PARD3B: variants seen among roughly 807,000 people sequenced by gnomAD.
The protein encoded by PARD3B is partitioning defective 3 homolog B.
Under a neutral mutation model 130.2 loss-of-function variants are expected in PARD3B, and 103 were observed. That is an observed-to-expected ratio of 0.79 (90% CI 0.67 to 0.93). PARD3B has a LOEUF of 0.93. PARD3B is among the 40% of genes least tolerant of loss of function. The pLI is 0.00. For missense variants in PARD3B, 1,609 were observed against 1,499.2 expected, an observed-to-expected ratio of 1.07 and a Z score of -1.21; for synonymous variants, 583 against 553.2, an observed-to-expected ratio of 1.05 and a Z score of -0.76.
chr2:205,437,921 T>G (rs2047573611), intron 19 of PARD3B, among the ~76,000 whole-genome samples: 1 of 151,824 alleles, frequency 6.6e-6, no homozygotes, highest in South Asian at 2.1e-4. Flanking sequence ...TATAAACAAG[T>G]AAAATTCTCA....
chr2:205,178,692 T>A (rs1381382864), intron 13 of PARD3B, among the ~76,000 whole-genome samples: 1 of 152,036 alleles, frequency 6.6e-6, no homozygotes, highest in African/African-American at 2.4e-5. Flanking sequence ...AAGTCTAGAG[T>A]TTAATTCCTA....
chr2:205,177,335 A>G (rs17248627), intron 13 of PARD3B, among the ~76,000 whole-genome samples: 5,181 of 152,298 alleles, frequency 0.034, 127 homozygotes, highest in Non-Finnish European at 0.051. Flanking sequence ...GATCCTAATC[A>G]GTAACATTTT....
intron 10 of PARD3B, among the ~76,000 whole-genome samples, chr2:205,137,460 C>A (rs367668413): frequency 6.6e-6 from 1 of 152,166 alleles, no homozygotes; most frequent in South Asian, 2.1e-4. Context: ...GGTAACAAGA[C>A]CACATTTTTT....
chr2:205,058,967 A>G (rs865774867), intron 4 of PARD3B, among the ~76,000 whole-genome samples: 2 of 148,884 alleles, frequency 1.3e-5, no homozygotes, highest in African/African-American at 5.0e-5. Flanking sequence ...TTTTTTTTTA[A>G]CTGTGCTTTT....
chr2:205,060,921 A>G (rs1381279060), intron 4 of PARD3B, among the ~76,000 whole-genome samples: 4 of 152,080 alleles, frequency 2.6e-5, no homozygotes, highest in Non-Finnish European at 1.5e-5. Context: ...TCTACTCTGG[A>G]AACTAGAAAG....
At chr2:205,252,850 C>G (rs867685696) in intron 16 of PARD3B, among the ~76,000 whole-genome samples, 64 of 101,128 alleles carry the variant, frequency 6.3e-4, no homozygotes, top group Non-Finnish European at 1.0e-3. Context: ...CCCCCCCCCC[C>G]ACCAAAAAAA....
rs1333440115 is a variant in PARD3B, at chr2:204,708,716, TTATG to T, written c.222+22436_222+22439del. 1.3e-5 allele frequency among the ~76,000 whole-genome samples: 2 copies of T among 152,202 alleles called. 1 individual carries two copies. The highest frequency in any genetic ancestry group is 1.3e-4 in the Admixed American group (2 of 15,272). On this transcript the variant is annotated intron_variant, in intron 2 of 22. Transcript: ENST00000406610. ...CATAGAATTGTACCAGAGTAATTTT[TTATG>T]TTAAAATGTATCCTCAAGGGCATAG...
In PARD3B at chr2:205,065,454, C is replaced by A. The variant is rs1292891593; in HGVS notation, c.504+17764C>A. 2.6e-5 allele frequency among the ~76,000 whole-genome samples: 4 copies of A among 152,254 alleles called. No individual in the cohort carries two copies. In the East Asian group the frequency reaches 7.7e-4, roughly 29 times the overall value. On this transcript the variant is annotated intron_variant, in intron 4 of 22. Coordinates refer to ENST00000406610, the MANE Select transcript of PARD3B (RefSeq NM_001302769.2). Reference sequence around the variant, plus strand: ...ATCCTGACCCAATATATAATTTAAACCCTAAATACGTATTTTTTATTTCAT... The same window carrying A: ...ATCCTGACCCAATATATAATTTAAAACCTAAATACGTATTTTTTATTTCAT...
At chr2:204,951,981 A>G (rs1156464536) in intron 2 of PARD3B, among the ~76,000 whole-genome samples, 2 of 152,348 alleles carry the variant, frequency 1.3e-5, no homozygotes, top group East Asian at 1.9e-4. Context: ...TGCAACAAAG[A>G]TGATTGATGA....
chr2:205,412,826 C>T (rs79843519), intron 19 of PARD3B, among the ~76,000 whole-genome samples: 2,949 of 152,286 alleles, frequency 0.019, 45 homozygotes, highest in Non-Finnish European at 0.031. Flanking sequence ...ATTATACCTT[C>T]TCAAACTACC....
At chr2:204,763,304 G>T (rs970797838) in intron 2 of PARD3B, among the ~76,000 whole-genome samples, 3 of 152,110 alleles carry the variant, frequency 2.0e-5, no homozygotes, top group African/African-American at 4.8e-5. Context: ...ATTATATATA[G>T]ATTCAGTTTG....
intron 2 of PARD3B, among the ~76,000 whole-genome samples, chr2:204,694,101 A>G (rs77345212): frequency 0.051 from 7,767 of 152,126 alleles, 562 homozygotes; most frequent in African/African-American, 0.15. Context: ...GGAAGGTTGA[A>G]AAAGTGTGCA....
chr2:204,673,638 T>C lies in PARD3B; in HGVS notation c.121-12543T>C, dbSNP rs1559048097. Among the ~76,000 whole-genome samples the C allele has an allele frequency of 6.6e-6, 1 of 152,216 alleles. No individual in the cohort carries two copies. Among genetic ancestry groups the C allele is most frequent in the Non-Finnish European group, 1.5e-5 (1 of 68,036 alleles). On this transcript the variant is annotated intron_variant, in intron 1 of 22. Coordinates refer to ENST00000406610, the MANE Select transcript of PARD3B (RefSeq NM_001302769.2). The surrounding 1 kb of genome is among the most constrained non-coding windows in gnomAD (Gnocchi z 4.7). ...CAAGTCTGTGCTCAAATGCCACTTTTTCATGGAGGCCGGGCCTGACCCCTT... is the reference window on the plus strand; with the variant it reads ...CAAGTCTGTGCTCAAATGCCACTTTCTCATGGAGGCCGGGCCTGACCCCTT...
rs2044603199 is a variant in PARD3B, at chr2:205,366,205, C to T, written c.2631-34808C>T. ...TCAACTTAGGAAACATTAAAATTAG[C>T]TTTACATTCCATAAGCACCCATACA... On this transcript the variant is annotated intron_variant, in intron 18 of 22. Transcript: ENST00000406610. The surrounding 1 kb of genome is among the most constrained non-coding windows in gnomAD (Gnocchi z 5.0). Among the ~76,000 whole-genome samples the T allele has an allele frequency of 6.6e-6, 1 of 152,146 alleles. No individual in the cohort carries two copies.
intron 3 of PARD3B, among the ~76,000 whole-genome samples, chr2:204,996,365 T>TG (rs1026944222): frequency 3.9e-5 from 6 of 152,086 alleles, no homozygotes; most frequent in South Asian, 2.1e-4. Flanking sequence ...GTGCCCCTGC[T>TG]GGGGGGTGCC....
chr2:204,715,899 G>A (rs746275989), intron 2 of PARD3B, among the ~76,000 whole-genome samples: 5 of 151,930 alleles, frequency 3.3e-5, no homozygotes, highest in East Asian at 1.9e-4. Flanking sequence ...TCTCTGCTCC[G>A]TGAAACCAGC....
chr2:204,961,078 G>A (rs917123652), intron 2 of PARD3B, among the ~76,000 whole-genome samples: 1 of 152,138 alleles, frequency 6.6e-6, no homozygotes, highest in Admixed American at 6.6e-5. Flanking sequence ...AGCAGAACAC[G>A]ACGTCAGAAA....
chr2:205,390,141 A>G (rs2045801550), intron 18 of PARD3B, among the ~76,000 whole-genome samples: 1 of 150,930 alleles, frequency 6.6e-6, no homozygotes, highest in African/African-American at 2.4e-5. Flanking sequence ...CTTCTTTTGT[A>G]TTTATACAAT....
At chr2:205,286,945 C>G (rs2041417216) in intron 16 of PARD3B, among the ~76,000 whole-genome samples, 1 of 152,222 alleles carries the variant, frequency 6.6e-6, no homozygotes, top group African/African-American at 2.4e-5. Flanking sequence ...TACTAATGAT[C>G]TGAAGAATGG....
Sources: gnomAD v4.1 joint callset for allele counts (sites outside exome capture counted in the v4.1 genomes callset) on GRCh38, gnomAD v4.1.1 for gene constraint, Gnocchi (gnomAD v3.1) non-coding constraint, MANE v1.5 for transcripts, NCBI Gene and HGNC (gene_info 2026-07-23, HGNC 2026-07-21) for gene names.